Variants in ZNF705G observed in about 807,000 individuals in gnomAD.
ZNF705G encodes the protein putative zinc finger protein 705G.
Under a neutral mutation model 19.6 loss-of-function variants are expected in ZNF705G, and 23 were observed. The observed-to-expected ratio is 1.17, with a 90% CI of 0.84 to 1.66. ZNF705G has a LOEUF of 1.66. Ranked by LOEUF, ZNF705G falls within the 40% of genes most tolerant of loss-of-function variation. The probability of loss-of-function intolerance (pLI) is 0.00; values close to 1 mark genes in which losing one functional copy is unlikely to be tolerated. For missense variants in ZNF705G, 457 were observed against 354.4 expected (o/e 1.29, Z -2.32); for synonymous variants, 146 against 117.7 (o/e 1.24, Z -1.56).
At chr8:7,368,845 C>G (rs1293020979) in intron 2 of ZNF705G, among the ~76,000 whole-genome samples, 1 of 149,506 alleles carries the variant, frequency 6.7e-6, no homozygotes, top group Admixed American at 6.6e-5. Context: ...GTTTGGGCCA[C>G]CGCTTTAGAG....
chr8:7,357,959 G>T lies in ZNF705G; in HGVS notation c.*17C>A, dbSNP rs749476526. On this transcript the variant is annotated 3_prime_UTR_variant, in exon 7 of 7. Transcript: ENST00000400156. Reference sequence around the variant, plus strand: ...ATGGCATTCATATGGCTTTTCTCCAGTGCGTGTTCTCTCATGTCATCTAAG... The same window carrying T: ...ATGGCATTCATATGGCTTTTCTCCATTGCGTGTTCTCTCATGTCATCTAAG... 1 of 1,608,770 alleles carries T rather than the reference G, an allele frequency of 6.2e-7. No homozygotes were observed. Among genetic ancestry groups the T allele is most frequent in the Non-Finnish European group, 8.5e-7 (1 of 1,179,610 alleles).
At position 7,359,151 on chromosome 8, in the gene ZNF705G, C is replaced by T. The variant is rs1217119871; in HGVS notation, c.318+468G>A. Reference sequence around the variant, plus strand: ...GTACTTCTCAATATCCCACCCTTTCCCCTTTAAATTTGGAGCCTTCAAAAT... The same window carrying T: ...GTACTTCTCAATATCCCACCCTTTCTCCTTTAAATTTGGAGCCTTCAAAAT... On this transcript the variant is annotated intron_variant, in intron 6 of 6. Coordinates refer to ENST00000400156, the MANE Select transcript of ZNF705G (RefSeq NM_001164457.3). Among the ~76,000 whole-genome samples, 13 of 149,682 alleles carry T rather than the reference C, an allele frequency of 8.7e-5. No individual in the cohort carries two copies. In the East Asian group the frequency reaches 1.9e-3, roughly 22 times the overall value.
Position 7,380,891 on chromosome 8 carries a change from C to A in ZNF705G, c.-72+561G>T, listed in dbSNP as rs528763230. On this transcript the variant is annotated intron_variant, in intron 2 of 6. Coordinates refer to ENST00000400156, the MANE Select transcript of ZNF705G (RefSeq NM_001164457.3). ...AATTAGCTGGGCATGGAGGCGCATGCCTGTAATCCCAGCTACTCTGGAGGC... is the reference window on the plus strand; with the variant it reads ...AATTAGCTGGGCATGGAGGCGCATGACTGTAATCCCAGCTACTCTGGAGGC... 1.8e-3 allele frequency among the ~76,000 whole-genome samples: 249 copies of A among 141,036 alleles called. 13 individuals carry two copies. Among genetic ancestry groups the A allele is most frequent in the African/African-American group, 7.6e-3 (244 of 31,918 alleles). 92.5% of individuals were successfully genotyped at this position (141,036 alleles called of 152,430 possible). A position where few individuals can be genotyped will look rare whatever the true frequency, so the allele number is the denominator to read the frequency against.
chr8:7,364,250 C>T (rs1806748958), intron 2 of ZNF705G, among the ~76,000 whole-genome samples: 1 of 149,458 alleles, frequency 6.7e-6, no homozygotes, highest in South Asian at 2.1e-4. Context: ...GGGAAACATG[C>T]ATGTATTATT....
Position 7,383,579 on chromosome 8 carries a change from T to C in ZNF705G, c.-222+1919A>G, listed in dbSNP as rs1384009587. Among the ~76,000 whole-genome samples, 3 of 146,644 alleles carry C rather than the reference T, an allele frequency of 2.0e-5. 1 individual carries two copies. Among genetic ancestry groups the C allele is most frequent in the Non-Finnish European group, 4.4e-5 (3 of 67,998 alleles). ...GTAAGGAAGTGCTGTGGCCTGAATG[T>C]TTGAATATTTGTGTCTCCCCATTCA... On this transcript the variant is annotated intron_variant, in intron 1 of 6. Coordinates refer to ENST00000400156, the MANE Select transcript of ZNF705G (RefSeq NM_001164457.3).
In ZNF705G at chr8:7,367,158, A is replaced by G. The variant is rs1475571348; in HGVS notation, c.-71-4141T>C. Among the ~76,000 whole-genome samples, 24 of 149,612 alleles carry G rather than the reference A, an allele frequency of 1.6e-4. 5 individuals are homozygous for G. The highest frequency in any genetic ancestry group is 6.1e-4 in the African/African-American group (24 of 39,028). On this transcript the variant is annotated intron_variant, in intron 2 of 6. Coordinates refer to ENST00000400156, the MANE Select transcript of ZNF705G (RefSeq NM_001164457.3). ...AACAATTCACACAATAAAATGTAATAATGAGATGCTGCCTTGATGGGACAA... is the reference window on the plus strand; with the variant it reads ...AACAATTCACACAATAAAATGTAATGATGAGATGCTGCCTTGATGGGACAA...
chr8:7,364,133 A>G (rs1806740180), intron 2 of ZNF705G, among the ~76,000 whole-genome samples: 1 of 149,602 alleles, frequency 6.7e-6, no homozygotes, highest in Non-Finnish European at 1.5e-5. Flanking sequence ...TCTGATTATC[A>G]TGATACATAT....
rs1355665603 is a variant in ZNF705G, at chr8:7,356,645, G to C, written c.*1331C>G. On this transcript the variant is annotated 3_prime_UTR_variant, in exon 7 of 7. Transcript: ENST00000400156. ...GTTTTAGTGGACGTTGAAGTAAAGGGAGGTGAGCTGTGAGGAAAGAGCTGT... is the reference window on the plus strand; with the variant it reads ...GTTTTAGTGGACGTTGAAGTAAAGGCAGGTGAGCTGTGAGGAAAGAGCTGT... The C allele has an allele frequency of 1.3e-5, 2 of 149,536 alleles. No homozygotes were observed. Among genetic ancestry groups the C allele is most frequent in the Non-Finnish European group, 2.9e-5 (2 of 68,030 alleles). The allele number at this position is 149,536 out of a possible 1,614,324, so 9.3% of individuals were successfully genotyped here.
chr8:7,360,843 G>A (rs1376504268), intron 4 of ZNF705G, among the ~76,000 whole-genome samples: 2 of 149,454 alleles, frequency 1.3e-5, no homozygotes, highest in Non-Finnish European at 2.9e-5. Flanking sequence ...TCCCAGGTCT[G>A]TTATGAGTAT....
chr8:7,370,133 T>C (rs954224545), intron 2 of ZNF705G, among the ~76,000 whole-genome samples: 4 of 147,682 alleles, frequency 2.7e-5, no homozygotes, highest in Non-Finnish European at 5.9e-5. Flanking sequence ...TAGCTGGGCA[T>C]GGTGCCGGGT....
rs540430209 is a variant in ZNF705G at position 7,369,870 on chromosome 8, A to G, written c.-71-6853T>C. 7.4e-5 allele frequency among the ~76,000 whole-genome samples: 11 copies of G among 149,060 alleles called. No homozygotes were observed. In the East Asian group the frequency reaches 1.4e-3, roughly 18 times the overall value. On this transcript the variant is annotated intron_variant, in intron 2 of 6. Transcript: ENST00000400156. The stretch of plus-strand genomic sequence containing the variant: ...ATGGACGTAAAGATCAGAACAACAG[A>G]TACTGGGAACTACTAGAGGGGGAAG...
At chr8:7,379,830 G>T (rs2128847328) in intron 2 of ZNF705G, among the ~76,000 whole-genome samples, 1 of 147,126 alleles carries the variant, frequency 6.8e-6, no homozygotes, top group Admixed American at 6.6e-5. Context: ...TGGATCGTCT[G>T]CACCTGCCCC....
At position 7,358,296 on chromosome 8, in the gene ZNF705G, T is replaced by G; in HGVS notation, c.583A>C (p.Thr195Pro). ...TGACATGCATATGGCCTCTCTCCAG[T>G]GTGAGTCATCTTGTGCCGTCTAAGG... Reference protein sequence around the residue: ...FHLRRHKMTHTGERPYACHLC... With the variant: ...FHLRRHKMTHPGERPYACHLC... The change falls in exon 7 of 7, where the codon ACT becomes CCT. Residue 195 changes from threonine (T) to proline (P), a missense_variant. Physicochemically the swap from Thr to Pro is conservative, Grantham distance 38. Transcript: ENST00000400156. 1 of 1,607,804 alleles carries G rather than the reference T, an allele frequency of 6.2e-7. No individual in the cohort carries two copies. The highest frequency in any genetic ancestry group is 8.5e-7 in the Non-Finnish European group (1 of 1,179,636).
At chr8:7,366,774 T>G (rs1428023291) in intron 2 of ZNF705G, among the ~76,000 whole-genome samples, 3 of 149,558 alleles carry the variant, frequency 2.0e-5, no homozygotes, top group Admixed American at 6.6e-5. Flanking sequence ...AGAATATAAT[T>G]TAACTATAAA....
At chr8:7,366,786 C>T (rs1479017451) in intron 2 of ZNF705G, among the ~76,000 whole-genome samples, 1 of 149,344 alleles carries the variant, frequency 6.7e-6, no homozygotes, top group Non-Finnish European at 1.5e-5. Flanking sequence ...AACTATAAAC[C>T]ACACAAATAG....
chr8:7,359,579 T>C (rs774398100), intron 6 of ZNF705G, 40 bp downstream of exon 6: 2 of 1,603,438 alleles, frequency 1.2e-6, no homozygotes, highest in Non-Finnish European at 8.5e-7. Flanking sequence ...TTAACATGTC[T>C]TTAACTTAGA....
Position 7,358,500 on chromosome 8 carries a change from G to C in ZNF705G, c.379C>G (p.Arg127Gly). The change falls in exon 7 of 7, where the codon CGC becomes GGC. Residue 127 changes from arginine to glycine, a missense_variant. Arg to Gly is a moderately radical substitution (Grantham distance 125). Coordinates refer to ENST00000400156, the MANE Select transcript of ZNF705G (RefSeq NM_001164457.3). ...AAACACTGAGTTATTGTGGAACTGC[G>C]AGTGCAATCTTCTCCCGAATCATTA... Reference protein sequence around the residue: ...ECNDSGEDCTRSSTITQCLLT... With the variant: ...ECNDSGEDCTGSSTITQCLLT... 2 of 1,607,544 alleles carry C rather than the reference G, an allele frequency of 1.2e-6. No homozygotes were observed. The highest frequency in any genetic ancestry group is 1.7e-6 in the Non-Finnish European group (2 of 1,179,588).
At position 7,363,820 on chromosome 8, in the gene ZNF705G, C is replaced by CA. The variant is rs913208890; in HGVS notation, c.-71-804dup. Among the ~76,000 whole-genome samples, 531 of 143,190 alleles carry CA rather than the reference C, an allele frequency of 3.7e-3. 37 individuals carry two copies. Among genetic ancestry groups the CA allele is most frequent in the African/African-American group, 0.011 (394 of 36,400 alleles). The allele number at this position is 143,190 out of a possible 152,430, so 93.9% of individuals were successfully genotyped here. ...AGGGTGACAGAGCGAGACTCTGTCT[C>CA]AAAAAAAAAAATCTGTTTTAGGATG... On this transcript the variant is annotated intron_variant, in intron 2 of 6. Coordinates refer to ENST00000400156, the MANE Select transcript of ZNF705G (RefSeq NM_001164457.3).
At chr8:7,384,518 G>A (rs1388358547) in intron 1 of ZNF705G, among the ~76,000 whole-genome samples, 1 of 145,982 alleles carries the variant, frequency 6.9e-6, no homozygotes, top group East Asian at 1.9e-4. Context: ...ACCTGTAAGA[G>A]GAACTTTTAA....
Sources: allele counts gnomAD v4.1 joint callset (sites outside exome capture counted in the v4.1 genomes callset), GRCh38; gene constraint gnomAD v4.1.1; transcripts MANE v1.5; gene names NCBI Gene and HGNC (gene_info 2026-07-23, HGNC 2026-07-21).